The following VWA3B variants were observed in gnomAD, a reference collection of about 807,000 sequenced individuals.
The protein encoded by VWA3B is von Willebrand factor A domain containing 3B, also known as von Willebrand factor A domain-containing protein 3B.
VWA3B carries 138 observed loss-of-function variants against 158.3 expected under a neutral mutation model. The observed-to-expected ratio is 0.87, with a 90% confidence interval of 0.76 to 1.00. The LOEUF (loss-of-function observed/expected upper bound fraction) is 1.00, where lower values mean the gene tolerates loss of function less well. VWA3B is among the 50% of genes least tolerant of loss of function. The probability of loss-of-function intolerance (pLI) is 0.00; values close to 1 mark genes in which losing one functional copy is unlikely to be tolerated. For missense variants in VWA3B, 1,555 were observed against 1,565.1 expected (o/e 0.99, Z 0.11); for synonymous variants, 596 against 587.3 (o/e 1.01, Z -0.21).
chr2:98,222,149 GA>G (rs1389146441), intron 14 of VWA3B, among the ~76,000 whole-genome samples: 8 of 152,144 alleles, frequency 5.3e-5, no homozygotes, highest in African/African-American at 1.9e-4. Context: ...GCATCGACGA[GA>G]CTGAAGGAGG....
intron 19 of VWA3B, chr2:98,242,338 A>T (rs993841911): frequency 7.5e-5 from 34 of 455,698 alleles, no homozygotes; most frequent in Non-Finnish European, 1.4e-4. Flanking sequence ...TCTTCATTAC[A>T]AGATGCAAAA....
At chr2:98,112,808 C>G (rs1466075215) in intron 2 of VWA3B, among the ~76,000 whole-genome samples, 1 of 152,002 alleles carries the variant, frequency 6.6e-6, no homozygotes, top group African/African-American at 2.4e-5. Context: ...TATTGTCCCA[C>G]AGGTCACTGA....
At chr2:98,169,690 CGTG>C (rs889739277) in intron 8 of VWA3B, among the ~76,000 whole-genome samples, 62 of 147,346 alleles carry the variant, frequency 4.2e-4, no homozygotes, top group African/African-American at 1.5e-3. Flanking sequence ...TGTTCAGAGA[CGTG>C]GGTGGGACAC....
In VWA3B at chr2:98,128,340, G is replaced by A. The variant is rs1675547813; in HGVS notation, c.804G>A (p.Val268=). ...ALEIPCPVYT[V]SFNARGEGTI... Reference sequence around the variant, plus strand: ...AGATCCCGTGTCCAGTCTACACAGTGTCCTTCAACGCCAGAGGAGAAGGCA... The same window carrying A: ...AGATCCCGTGTCCAGTCTACACAGTATCCTTCAACGCCAGAGGAGAAGGCA... The change falls in exon 6 of 28, where the codon GTG becomes GTA. Residue 268 remains valine, a synonymous_variant. Coordinates refer to ENST00000477737, the MANE Select transcript of VWA3B (RefSeq NM_144992.5). 1 of 1,614,124 alleles carries A rather than the reference G, an allele frequency of 6.2e-7. No individual in the cohort carries two copies. Among genetic ancestry groups the A allele is most frequent in the Non-Finnish European group, 8.5e-7 (1 of 1,180,004 alleles).
intron 20 of VWA3B, 103 bp downstream of exon 20, chr2:98,250,539 C>T: frequency 1.0e-6 from 1 of 955,716 alleles, no homozygotes; most frequent in South Asian, 1.7e-5. Flanking sequence ...TTTAATGAAG[C>T]AGCTATTTAA....
chr2:98,226,099 C>A (rs968279644), intron 14 of VWA3B, among the ~76,000 whole-genome samples: 6 of 152,090 alleles, frequency 3.9e-5, no homozygotes, highest in African/African-American at 1.4e-4. Flanking sequence ...ATTTATATGA[C>A]AAGTCACAGG....
At chr2:98,281,629 CT>C (rs1412709204) in intron 22 of VWA3B, among the ~76,000 whole-genome samples, 1 of 152,070 alleles carries the variant, frequency 6.6e-6, no homozygotes, top group Non-Finnish European at 1.5e-5. Context: ...AGCATCAAAC[CT>C]TTAGTCATTT....
intron 12 of VWA3B, among the ~76,000 whole-genome samples, chr2:98,199,177 C>T (rs1202196686): frequency 6.6e-6 from 1 of 151,448 alleles, no homozygotes; most frequent in Admixed American, 6.6e-5. Flanking sequence ...AGAGTTTATT[C>T]CCTTTTATTG....
intron 8 of VWA3B, among the ~76,000 whole-genome samples, chr2:98,176,813 A>G (rs1281574141): frequency 6.6e-6 from 1 of 152,148 alleles, no homozygotes; most frequent in South Asian, 2.1e-4. Context: ...AAGCTCCCCA[A>G]ACTTTTTGTC....
rs1358612241 is a variant in VWA3B at position 98,127,282 on chromosome 2, G to A, written c.703-957G>A. 2.0e-5 allele frequency among the ~76,000 whole-genome samples: 3 copies of A among 152,244 alleles called. No homozygotes were observed. The South Asian group carries it at 6.2e-4, about 32-fold the overall frequency. The stretch of plus-strand genomic sequence containing the variant: ...TGCACACATAGTTGGAAGTCATCCT[G>A]TTTCAATGCCATCATGAATAATAAA... On this transcript the variant is annotated intron_variant, in intron 5 of 27. Coordinates refer to ENST00000477737, the MANE Select transcript of VWA3B (RefSeq NM_144992.5).
intron 7 of VWA3B, among the ~76,000 whole-genome samples, chr2:98,160,124 T>C (rs573075870): frequency 4.6e-5 from 7 of 152,250 alleles, no homozygotes; most frequent in African/African-American, 1.4e-4. Flanking sequence ...GGGTTTCCTG[T>C]GCCCCCATCG....
intron 9 of VWA3B, among the ~76,000 whole-genome samples, chr2:98,186,633 C>T (rs772746603): frequency 5.9e-5 from 9 of 152,062 alleles, no homozygotes; most frequent in Non-Finnish European, 1.2e-4. Context: ...TCTGATCTCT[C>T]GGTGAACGCT....
chr2:98,316,543 G>A (rs1006116841), downstream of VWA3B, among the ~76,000 whole-genome samples: 1 of 151,752 alleles, frequency 6.6e-6, no homozygotes, highest in Non-Finnish European at 1.5e-5. Context: ...ACTTGGGGTG[G>A]GGCTGAAGTG....
At chr2:98,184,471 C>T (rs184472588) in intron 9 of VWA3B, among the ~76,000 whole-genome samples, 17 of 152,348 alleles carry the variant, frequency 1.1e-4, no homozygotes, top group South Asian at 8.3e-4. Context: ...AATTCATGCC[C>T]GCTCATGTCA....
chr2:98,200,819 A>T (rs746982100), intron 12 of VWA3B, among the ~76,000 whole-genome samples: 2 of 152,180 alleles, frequency 1.3e-5, no homozygotes, highest in African/African-American at 4.8e-5. Context: ...TGTGTTTAAG[A>T]ATAGGGTTCA....
At chr2:98,115,934 A>G (rs1674500164) in intron 3 of VWA3B, among the ~76,000 whole-genome samples, 188 bp downstream of exon 3, 1 of 152,156 alleles carries the variant, frequency 6.6e-6, no homozygotes, top group African/African-American at 2.4e-5. Flanking sequence ...GAAGTTTTTG[A>G]TCCATTAGAA....
At chr2:98,148,090 G>T (rs1232886568) in intron 7 of VWA3B, among the ~76,000 whole-genome samples, 1 of 152,060 alleles carries the variant, frequency 6.6e-6, no homozygotes, top group Non-Finnish European at 1.5e-5. Flanking sequence ...GTGTTGTGTG[G>T]TGTATTTACT....
intron 3 of VWA3B, among the ~76,000 whole-genome samples, chr2:98,116,251 C>T (rs558458250): frequency 6.6e-6 from 1 of 152,346 alleles, no homozygotes; most frequent in Admixed American, 6.5e-5. Flanking sequence ...ACACATGTCC[C>T]ATCACGTCCA....
At chr2:98,229,617 C>T (rs1179363713) in intron 15 of VWA3B, among the ~76,000 whole-genome samples, 1 of 152,210 alleles carries the variant, frequency 6.6e-6, no homozygotes, top group Non-Finnish European at 1.5e-5. Context: ...TAAGTGCTTG[C>T]TGGTAGACAC....
Sources: gnomAD v4.1 joint callset for allele counts (sites outside exome capture counted in the v4.1 genomes callset) on GRCh38, gnomAD v4.1.1 for gene constraint, MANE v1.5 for transcripts, NCBI Gene and HGNC (gene_info 2026-07-23, HGNC 2026-07-21) for gene names.